The following ANKS1B variants were observed in gnomAD, a reference collection of about 807,000 sequenced individuals.
ANKS1B encodes the protein ankyrin repeat and sterile alpha motif domain containing 1B, also known as ankyrin repeat and sterile alpha motif domain-containing protein 1B.
In ANKS1B, 36 loss-of-function variants were observed where a neutral mutation model predicts 148.3. The observed-to-expected ratio is 0.24, with a 90% CI of 0.19 to 0.32. The LOEUF is 0.32. Among genes scored for constraint, ANKS1B ranks in the 10% least tolerant of loss-of-function variants. The probability of loss-of-function intolerance (pLI) is 1.00; values close to 1 mark genes in which losing one functional copy is unlikely to be tolerated. For synonymous variants in ANKS1B, 542 were observed against 560.8 expected, an observed-to-expected ratio of 0.97 and a Z score of 0.47; for missense variants, 1,157 against 1,542.6, an observed-to-expected ratio of 0.75 and a Z score of 4.19.
chr12:99,667,063 C>T (rs1242617146), intron 8 of ANKS1B, among the ~76,000 whole-genome samples: 1 of 151,970 alleles, frequency 6.6e-6, no homozygotes, highest in Non-Finnish European at 1.5e-5. Context: ...ATTGAATTTT[C>T]AGCTGAGTGC....
At chr12:99,517,046 T>C (rs2096828461) in intron 9 of ANKS1B, among the ~76,000 whole-genome samples, 1 of 152,180 alleles carries the variant, frequency 6.6e-6, no homozygotes, top group South Asian at 2.1e-4. Context: ...TCTATTTCTG[T>C]GAAAAATATC....
chr12:99,113,309 A>G (rs1475588790), intron 15 of ANKS1B, among the ~76,000 whole-genome samples: 1 of 152,182 alleles, frequency 6.6e-6, no homozygotes, highest in Non-Finnish European at 1.5e-5. Flanking sequence ...GGTCAGGGTG[A>G]GATGCCAGAC....
At chr12:99,117,318 T>C (rs1488542614) in intron 15 of ANKS1B, among the ~76,000 whole-genome samples, 1 of 152,238 alleles carries the variant, frequency 6.6e-6, no homozygotes, top group Non-Finnish European at 1.5e-5. Flanking sequence ...CCATTCAGTA[T>C]GATATGGGCT....
At chr12:98,964,381 C>T (rs1166443644) in intron 17 of ANKS1B, among the ~76,000 whole-genome samples, 1 of 152,150 alleles carries the variant, frequency 6.6e-6, no homozygotes, top group Non-Finnish European at 1.5e-5. Context: ...CTATGGAGAA[C>T]AGTTTGGAGG....
chr12:99,899,728 G>C (rs1421117830), intron 1 of ANKS1B, among the ~76,000 whole-genome samples: 1 of 152,026 alleles, frequency 6.6e-6, no homozygotes, highest in Non-Finnish European at 1.5e-5. Flanking sequence ...GCTTCTCTTA[G>C]AATTTCCACT....
At chr12:98,943,932 G>A (rs931663627) in intron 17 of ANKS1B, among the ~76,000 whole-genome samples, 2 of 152,172 alleles carry the variant, frequency 1.3e-5, no homozygotes, top group Non-Finnish European at 2.9e-5. Flanking sequence ...TGGATCCCTC[G>A]TGAATGGCTT....
intron 8 of ANKS1B, among the ~76,000 whole-genome samples, chr12:99,744,109 C>T (rs1360276399): frequency 6.6e-6 from 1 of 152,040 alleles, no homozygotes; most frequent in Non-Finnish European, 1.5e-5. Context: ...CAACCAACCC[C>T]CTGCAGATAC....
Position 99,837,890 on chromosome 12 carries a change from T to C in ANKS1B, c.135-12501A>G, listed in dbSNP as rs117729531. Among the ~76,000 whole-genome samples the C allele has an allele frequency of 1.8e-3, 269 of 150,564 alleles. 8 individuals carry two copies. The East Asian group carries it at 0.042, about 24-fold the overall frequency. On this transcript the variant is annotated intron_variant, in intron 1 of 26. Coordinates refer to ENST00000683438, the MANE Select transcript of ANKS1B (RefSeq NM_001352186.2). ...TGTAATCATCACCCAAATAATTACA[T>C]TGTACCTTTTAAGTAACTTTTAATC... is the stretch of plus-strand genomic sequence containing the variant.
chr12:98,751,314 T>C lies in ANKS1B; in HGVS notation c.3747+41A>G. The C allele has an allele frequency of 6.3e-7, 1 of 1,599,934 alleles. No homozygotes were observed. The highest frequency in any genetic ancestry group is 8.5e-7 in the Non-Finnish European group (1 of 1,172,808). ...CCTGGTTAGCAGCCCCTTTTCCTCC[T>C]GTTCAAGGTTTTTTAGAACATCTGT... On this transcript the variant is annotated intron_variant, in intron 26 of 26. Transcript: ENST00000683438. This position sits in a 1 kb window ranked among gnomAD's most constrained non-coding sequence, Gnocchi z 4.3.
intron 15 of ANKS1B, among the ~76,000 whole-genome samples, chr12:99,096,268 G>A (rs965692620): frequency 1.3e-4 from 20 of 152,126 alleles, no homozygotes; most frequent in Non-Finnish European, 2.5e-4. Flanking sequence ...AGTGAATGGC[G>A]ATTATTGAAA....
At chr12:98,920,130 T>C (rs2099799508) in intron 17 of ANKS1B, among the ~76,000 whole-genome samples, 1 of 152,222 alleles carries the variant, frequency 6.6e-6, no homozygotes, top group African/African-American at 2.4e-5. Flanking sequence ...TTGCAGGCAA[T>C]CTTTGACATT....
intron 16 of ANKS1B, 125 bp downstream of exon 16, chr12:99,084,800 G>C (rs1354326355): frequency 4.4e-6 from 3 of 679,996 alleles, no homozygotes; most frequent in Non-Finnish European, 7.5e-6. Flanking sequence ...GACCTAAGAA[G>C]ATCTGCTCTT....
intron 17 of ANKS1B, among the ~76,000 whole-genome samples, chr12:98,865,170 A>G (rs1295442217): frequency 6.6e-6 from 1 of 151,984 alleles, no homozygotes; most frequent in Non-Finnish European, 1.5e-5. Context: ...CCTACTCTCT[A>G]CCACCCCAAA....
intron 17 of ANKS1B, among the ~76,000 whole-genome samples, chr12:98,929,086 T>G (rs1018235782): frequency 1.3e-5 from 2 of 151,654 alleles, no homozygotes; most frequent in Non-Finnish European, 3.0e-5. Context: ...TCAGCGAGGT[T>G]TCCTGATACA....
chr12:99,064,945 T>C (rs986129462), intron 16 of ANKS1B, among the ~76,000 whole-genome samples: 9 of 152,224 alleles, frequency 5.9e-5, no homozygotes, highest in African/African-American at 2.2e-4. Context: ...CCTAGAGCCT[T>C]TTGTTAAACA....
chr12:99,401,642 A>G (rs1283768568), intron 11 of ANKS1B, among the ~76,000 whole-genome samples: 2 of 146,808 alleles, frequency 1.4e-5, no homozygotes, highest in African/African-American at 5.1e-5. Context: ...AACTGCAGAT[A>G]TCATGCACGT....
At chr12:99,371,954 A>G (rs12309252) in intron 12 of ANKS1B, among the ~76,000 whole-genome samples, 17,678 of 152,086 alleles carry the variant, frequency 0.12, 1,526 homozygotes, top group East Asian at 0.49. Context: ...TAACACTATT[A>G]TTATTTCTTT....
chr12:98,745,547 A>T lies in ANKS1B; in HGVS notation c.*192T>A. 7.3e-7 allele frequency: 1 copy of T among 1,361,020 alleles called. No homozygotes were observed. Among genetic ancestry groups the T allele is most frequent in the African/African-American group, 1.5e-5 (1 of 66,328 alleles). 84.3% of individuals were successfully genotyped at this position (1,361,020 alleles called of 1,614,324 possible). A position where few individuals can be genotyped will look rare whatever the true frequency, so the allele number is the denominator to read the frequency against. On this transcript the variant is annotated 3_prime_UTR_variant, in exon 27 of 27. Coordinates refer to ENST00000683438, the MANE Select transcript of ANKS1B (RefSeq NM_001352186.2). ...ACGCCTCTCAGGGGTTGCGACTGGA[A>T]AGTCTTGCGTTTTCCATCACTGGTG...
At chr12:99,216,242 T>C (rs766887596) in intron 14 of ANKS1B, among the ~76,000 whole-genome samples, 2 of 152,198 alleles carry the variant, frequency 1.3e-5, no homozygotes, top group Non-Finnish European at 2.9e-5. Flanking sequence ...TTTTTCTTTA[T>C]AAATTACCCA....
Sources: allele counts gnomAD v4.1 joint callset (sites outside exome capture counted in the v4.1 genomes callset), GRCh38; gene constraint gnomAD v4.1.1; non-coding constraint Gnocchi (gnomAD v3.1); transcripts MANE v1.5; gene names NCBI Gene and HGNC (gene_info 2026-07-23, HGNC 2026-07-21).